ADCY9: variants seen among roughly 807,000 people sequenced by gnomAD.
ADCY9 encodes adenylate cyclase type 9.
In ADCY9, 50 loss-of-function variants were observed where a neutral mutation model predicts 101.5. The observed-to-expected ratio is 0.49, with a 90% CI of 0.39 to 0.62. ADCY9 has a LOEUF of 0.62. ADCY9 is among the 20% of genes least tolerant of loss of function. ADCY9 has a pLI of 0.00. For missense variants in ADCY9, 1,662 were observed against 1,800.4 expected (o/e 0.92, Z 1.39); for synonymous variants, 905 against 769.3 (o/e 1.18, Z -2.92).
chr16:4,115,328 A>C lies in ADCY9; in HGVS notation c.115T>G (p.Ser39Ala). 2 of 1,613,610 alleles carry C rather than the reference A, an allele frequency of 1.2e-6. No individual in the cohort carries two copies. The highest frequency in any genetic ancestry group is 1.7e-6 in the Non-Finnish European group (2 of 1,179,846). The change falls in exon 2 of 11, where the codon TCC becomes GCC. Residue 39 changes from serine (S) to alanine (A), a missense_variant. Physicochemically the swap from Ser to Ala is moderately conservative, Grantham distance 99. This residue lies in a region of ADCY9 where 422 missense variants were observed against 392.0 expected (regional missense o/e 1.08). Transcript: ENST00000294016. The surrounding 1 kb of genome is among the most constrained non-coding windows in gnomAD (Gnocchi z 6.2). ...RVKINPKQLS[S>A]NSHPKHCKYS... ...TTGCAGTGCTTGGGGTGGCTGTTGGAGGACAGCTGCTTGGGGTTGATCTTG... is the reference window on the plus strand; with the variant it reads ...TTGCAGTGCTTGGGGTGGCTGTTGGCGGACAGCTGCTTGGGGTTGATCTTG...
At chr16:4,092,173 G>A (rs2056977750) in intron 2 of ADCY9, among the ~76,000 whole-genome samples, 1 of 152,198 alleles carries the variant, frequency 6.6e-6, no homozygotes, top group Admixed American at 6.5e-5. Context: ...GGGAGGCTGA[G>A]GCACGAGAAT....
intron 2 of ADCY9, among the ~76,000 whole-genome samples, chr16:4,063,158 C>T (rs1360978995): frequency 1.3e-5 from 2 of 152,032 alleles, no homozygotes; most frequent in African/African-American, 4.8e-5. Context: ...TGTTCTCTAC[C>T]AAAATGAAAT....
chr16:4,038,037 GC>G (rs1230961756), intron 2 of ADCY9, among the ~76,000 whole-genome samples: 2 of 152,332 alleles, frequency 1.3e-5, no homozygotes, highest in East Asian at 3.9e-4. Flanking sequence ...AGTTTGGGAG[GC>G]TGAGGTGGAA....
chr16:4,004,072 T>C (rs1280297721), intron 3 of ADCY9, among the ~76,000 whole-genome samples: 2 of 149,698 alleles, frequency 1.3e-5, no homozygotes, highest in Non-Finnish European at 3.0e-5. Flanking sequence ...TCCTGGGCAA[T>C]ATAGCAAAAA....
intron 2 of ADCY9, among the ~76,000 whole-genome samples, chr16:4,047,456 G>A (rs1275813468): frequency 7.0e-6 from 1 of 141,864 alleles, no homozygotes; most frequent in Non-Finnish European, 1.5e-5. Context: ...TTACACAGCT[G>A]TTACGAAGAC....
chr16:3,977,536 G>A lies in ADCY9; in HGVS notation c.2774C>T (p.Thr925Ile). ...GAGCAGCGGCCCGGCCCCCACGACG[G>A]TGGCGAGGGAGGACCTCATCCAGGA... ...LSSWMRSSLA[T>I]VVGAGPLLLL... The change falls in exon 9 of 11, where the codon ACC becomes ATC. Residue 925 changes from threonine to isoleucine, a missense_variant. Thr to Ile is a moderately conservative substitution (Grantham distance 89). Around this residue, in one of 5 missense-constraint regions of ADCY9, gnomAD observed 624 missense variants for 639.1 expected, o/e 0.98. Transcript: ENST00000294016. 6.2e-7 allele frequency: 1 copy of A among 1,601,502 alleles called. No individual in the cohort carries two copies. Among genetic ancestry groups the A allele is most frequent in the South Asian group, 1.1e-5 (1 of 89,142 alleles).
intron 5 of ADCY9, among the ~76,000 whole-genome samples, chr16:3,957,101 A>T (rs185752801): frequency 3.3e-5 from 5 of 152,168 alleles, no homozygotes; most frequent in African/African-American, 1.2e-4. Context: ...CTCCCCCTCC[A>T]TCTGGGTTCT....
downstream of ADCY9, among the ~76,000 whole-genome samples, chr16:3,957,851 C>T (rs186264295): frequency 2.4e-3 from 359 of 152,312 alleles, no homozygotes; most frequent in Middle Eastern, 0.02. Context: ...TCACATCCTT[C>T]CCGATCCTGT....
At chr16:4,006,631 T>C (rs2056369006) in intron 3 of ADCY9, among the ~76,000 whole-genome samples, 1 of 152,202 alleles carries the variant, frequency 6.6e-6, no homozygotes, top group African/African-American at 2.4e-5. Flanking sequence ...GTTTTGATTC[T>C]CTGTCTCATT....
intron 2 of ADCY9, chr16:4,054,102 G>A (rs1171956940): frequency 1.3e-5 from 2 of 152,066 alleles, no homozygotes; most frequent in South Asian, 2.1e-4. Context: ...TATTATAGAT[G>A]GCTCACGAAA....
chr16:4,057,289 T>C (rs2056746346), intron 2 of ADCY9, among the ~76,000 whole-genome samples: 1 of 152,140 alleles, frequency 6.6e-6, no homozygotes, highest in South Asian at 2.1e-4. Flanking sequence ...TGTCCATCTT[T>C]TTTTTAATAA....
intron 2 of ADCY9, among the ~76,000 whole-genome samples, chr16:4,042,834 G>A (rs927981432): frequency 3.3e-5 from 5 of 152,304 alleles, no homozygotes; most frequent in African/African-American, 1.2e-4. Flanking sequence ...CACTCCGTTT[G>A]GACGATTCCG....
chr16:3,954,851 C>G (rs890368699), intron 5 of ADCY9, among the ~76,000 whole-genome samples: 1 of 152,086 alleles, frequency 6.6e-6, no homozygotes, highest in Non-Finnish European at 1.5e-5. Flanking sequence ...ACACAGCCAA[C>G]TCTTTTGGAG....
chr16:4,060,810 A>G (rs1016856517), intron 2 of ADCY9, among the ~76,000 whole-genome samples: 7 of 152,348 alleles, frequency 4.6e-5, no homozygotes, highest in Non-Finnish European at 8.8e-5. Flanking sequence ...AAAATAAAAT[A>G]TAAGACATGC....
chr16:3,983,133 G>A (rs563098641), intron 7 of ADCY9, 99 bp downstream of exon 7: 2 of 1,154,162 alleles, frequency 1.7e-6, no homozygotes, highest in East Asian at 2.6e-5. Context: ...AGCAGGGACA[G>A]CTGGCTGGGG....
At chr16:4,013,018 G>A (rs1056660911) in intron 2 of ADCY9, among the ~76,000 whole-genome samples, 3 of 152,066 alleles carry the variant, frequency 2.0e-5, no homozygotes, top group East Asian at 1.9e-4. Context: ...CTCGGAGGCC[G>A]CGGCAGGAGG....
At chr16:4,099,015 C>G (rs1205526577) in intron 2 of ADCY9, among the ~76,000 whole-genome samples, 1 of 152,142 alleles carries the variant, frequency 6.6e-6, no homozygotes, top group Non-Finnish European at 1.5e-5. Context: ...TCACTGCAAC[C>G]TCTGCCTCCC....
rs367640886 is a variant in ADCY9, at chr16:4,061,493, G to A, written c.1693+52257C>T. On this transcript the variant is annotated intron_variant, in intron 2 of 10. Transcript: ENST00000294016. The stretch of plus-strand genomic sequence containing the variant: ...ACAAAATGGTTCTTCATGAAAAGGA[G>A]CACTACCATAAGATTAACAGCTGAC... Among the ~76,000 whole-genome samples the A allele has an allele frequency of 2.7e-4, 41 of 152,202 alleles. No homozygotes were observed. The South Asian group carries it at 7.5e-3, about 28-fold the overall frequency.
At chr16:4,009,758 A>C (rs938854145) in intron 2 of ADCY9, among the ~76,000 whole-genome samples, 1 of 152,220 alleles carries the variant, frequency 6.6e-6, no homozygotes, top group Non-Finnish European at 1.5e-5. Flanking sequence ...GCGACACCAG[A>C]CTGACTTTGT....
Sources: allele counts gnomAD v4.1 joint callset (sites outside exome capture counted in the v4.1 genomes callset), GRCh38; gene constraint gnomAD v4.1.1; regional missense constraint gnomAD v4.1.1; non-coding constraint Gnocchi (gnomAD v3.1); transcripts MANE v1.5; gene names NCBI Gene and HGNC (gene_info 2026-07-23, HGNC 2026-07-21).